PIP5K1B: variants seen among roughly 807,000 people sequenced by gnomAD.
The protein encoded by PIP5K1B is phosphatidylinositol 4-phosphate 5-kinase type-1 beta.
PIP5K1B carries 42 observed loss-of-function variants against 67.0 expected under a neutral mutation model. The ratio of observed to expected loss-of-function variants is 0.63; its 90% CI spans 0.49 to 0.81. The LOEUF is 0.81. Among genes scored for constraint, PIP5K1B ranks in the 30% least tolerant of loss-of-function variants. The pLI is 0.00. For synonymous variants in PIP5K1B, 214 were observed against 231.4 expected (o/e 0.92, Z 0.68); for missense variants, 459 against 646.3 (o/e 0.71, Z 3.14).
intron 4 of PIP5K1B, among the ~76,000 whole-genome samples, chr9:68,840,377 CA>C (rs962426623): frequency 0.015 from 1,674 of 108,406 alleles, 5 homozygotes; most frequent in Middle Eastern, 0.029. Flanking sequence ...AACTCCATCT[CA>C]AAAAAAAAAA....
chr9:68,828,954 T>C (rs925975293), intron 4 of PIP5K1B, among the ~76,000 whole-genome samples: 1 of 152,026 alleles, frequency 6.6e-6, no homozygotes, highest in African/African-American at 2.4e-5. Context: ...ATACAAAAAT[T>C]TGCTGGGCAC....
At chr9:68,973,637 G>C (rs1035579335) in intron 14 of PIP5K1B, among the ~76,000 whole-genome samples, 13 of 152,184 alleles carry the variant, frequency 8.5e-5, no homozygotes, top group African/African-American at 3.1e-4. Flanking sequence ...TTAACCAAGG[G>C]CCTAATCATT....
At position 68,934,875 on chromosome 9, in the gene PIP5K1B, T is replaced by C; in HGVS notation, c.1202-15T>C. On this transcript the variant is annotated splice_polypyrimidine_tract_variant and intron_variant, in intron 12 of 15. Transcript: ENST00000265382. ...ACAGTAAATATCTGTATTTGTCCTT[T>C]TCCTTTCTGTCTAGCTTTGAAGGCT... 10 of 1,584,324 alleles carry C rather than the reference T, an allele frequency of 6.3e-6. No individual in the cohort carries two copies. The highest frequency in any genetic ancestry group is 7.7e-6 in the Non-Finnish European group (9 of 1,165,154).
At chr9:68,855,827 C>T (rs1471206135) in intron 4 of PIP5K1B, among the ~76,000 whole-genome samples, 1 of 152,212 alleles carries the variant, frequency 6.6e-6, no homozygotes, top group Non-Finnish European at 1.5e-5. Context: ...AGGCAAACCT[C>T]CTCCTCTCTG....
chr9:68,873,281 C>CTTTTTTTT (rs772335388), intron 5 of PIP5K1B, among the ~76,000 whole-genome samples: 22 of 90,640 alleles, frequency 2.4e-4, no homozygotes, highest in Admixed American at 4.0e-4. Flanking sequence ...ACTTTCTGAT[C>CTTTTTTTT]TTTTTTTTTT....
intron 4 of PIP5K1B, among the ~76,000 whole-genome samples, chr9:68,825,782 A>G (rs762632773): frequency 3.3e-5 from 5 of 152,186 alleles, no homozygotes; most frequent in Non-Finnish European, 5.9e-5. Flanking sequence ...GTAGTCTATA[A>G]TGAGGAGTTC....
chr9:68,721,759 T>G (rs1827895018), intron 1 of PIP5K1B, among the ~76,000 whole-genome samples: 1 of 152,164 alleles, frequency 6.6e-6, no homozygotes, highest in South Asian at 2.1e-4. Context: ...GAGGCCATGA[T>G]GAAGACACAG....
At chr9:68,709,704 G>A (rs1827295154) in intron 1 of PIP5K1B, among the ~76,000 whole-genome samples, 1 of 152,150 alleles carries the variant, frequency 6.6e-6, no homozygotes, top group Non-Finnish European at 1.5e-5. Flanking sequence ...TTGAGCCCAG[G>A]AGTTTGAGAC....
intron 1 of PIP5K1B, among the ~76,000 whole-genome samples, chr9:68,715,413 A>G (rs1337300419): frequency 6.6e-6 from 1 of 152,042 alleles, no homozygotes; most frequent in Admixed American, 6.5e-5. Context: ...TCTGAGCCAC[A>G]CTTGCAACTG....
At chr9:69,006,386 A>G (rs1422145240) in intron 15 of PIP5K1B, among the ~76,000 whole-genome samples, 2 of 152,100 alleles carry the variant, frequency 1.3e-5, no homozygotes, top group African/African-American at 4.8e-5. Flanking sequence ...TTAATGAAGA[A>G]AGAGTGGAGG....
chr9:68,994,613 A>G (rs1217068916), intron 15 of PIP5K1B, among the ~76,000 whole-genome samples: 1 of 152,172 alleles, frequency 6.6e-6, no homozygotes, highest in East Asian at 1.9e-4. Flanking sequence ...GAGAATAAAA[A>G]GGCAAACAAC....
At chr9:68,826,077 C>T (rs1366011313) in intron 4 of PIP5K1B, among the ~76,000 whole-genome samples, 4 of 152,106 alleles carry the variant, frequency 2.6e-5, no homozygotes, top group South Asian at 2.1e-4. Context: ...AACATTGGTC[C>T]GTGAGGTTAA....
chr9:68,713,850 GCA>G (rs1827510693), intron 1 of PIP5K1B, among the ~76,000 whole-genome samples: 1 of 152,126 alleles, frequency 6.6e-6, no homozygotes, highest in African/African-American at 2.4e-5. Context: ...TCTGTTCCAG[GCA>G]CTCCTCAAGT....
chr9:68,861,534 C>T (rs575729625), intron 4 of PIP5K1B, among the ~76,000 whole-genome samples: 40 of 152,222 alleles, frequency 2.6e-4, no homozygotes, highest in Admixed American at 2.5e-3. Flanking sequence ...ATGATGTTAT[C>T]GTGGTGGTTT....
Position 68,863,978 on chromosome 9 carries a change from T to A in PIP5K1B, c.200+11T>A, listed in dbSNP as rs1823231234. 1 of 1,612,456 alleles carries A rather than the reference T, an allele frequency of 6.2e-7. No homozygotes were observed. ...TGTGTTCCTACCCAGGTAAGAACATTTTTATTTGTGATGATTTCCATGCTA... is the reference window on the plus strand; with the variant it reads ...TGTGTTCCTACCCAGGTAAGAACATATTTATTTGTGATGATTTCCATGCTA... On this transcript the variant is annotated intron_variant, in intron 5 of 15. Coordinates refer to ENST00000265382, the MANE Select transcript of PIP5K1B (RefSeq NM_003558.4).
intron 8 of PIP5K1B, among the ~76,000 whole-genome samples, chr9:68,911,439 C>A (rs1825846645): frequency 1.3e-5 from 2 of 150,142 alleles, no homozygotes. Flanking sequence ...AGAGAAGGAA[C>A]GTTTTGATAA....
In PIP5K1B at chr9:68,807,234, T is replaced by C. The variant is rs1302122261; in HGVS notation, c.-85-11227T>C. ...AATGAATACCCTCCTCATTGAAGAATAGATCTTAAGTGGTCATTTCATGAC... is the reference window on the plus strand; with the variant it reads ...AATGAATACCCTCCTCATTGAAGAACAGATCTTAAGTGGTCATTTCATGAC... On this transcript the variant is annotated intron_variant, in intron 2 of 15. Transcript: ENST00000265382. Among the ~76,000 whole-genome samples, 4 of 152,344 alleles carry C rather than the reference T, an allele frequency of 2.6e-5. No homozygotes were observed. The East Asian group carries it at 7.7e-4, about 29-fold the overall frequency.
chr9:68,921,705 G>T (rs915510221), intron 11 of PIP5K1B, among the ~76,000 whole-genome samples: 1 of 152,104 alleles, frequency 6.6e-6, no homozygotes, highest in African/African-American at 2.4e-5. Flanking sequence ...ACAAAAATTA[G>T]CCAGACGTGG....
At chr9:68,843,957 G>A (rs1050171859) in intron 4 of PIP5K1B, among the ~76,000 whole-genome samples, 10 of 152,220 alleles carry the variant, frequency 6.6e-5, no homozygotes, top group Non-Finnish European at 1.2e-4. Flanking sequence ...ACAGGCAGAG[G>A]TTGTTAGAGG....
Sources: allele counts gnomAD v4.1 joint callset (sites outside exome capture counted in the v4.1 genomes callset), GRCh38; gene constraint gnomAD v4.1.1; transcripts MANE v1.5; gene names NCBI Gene and HGNC (gene_info 2026-07-23, HGNC 2026-07-21).